Variants in MYT1L observed in about 807,000 individuals in gnomAD.
The protein encoded by MYT1L is myelin transcription factor 1 like, also known as myelin transcription factor 1-like protein.
MYT1L carries 12 observed loss-of-function variants against 126.7 expected under a neutral mutation model. That is an observed-to-expected ratio of 0.09 (90% CI 0.06 to 0.15). The LOEUF (loss-of-function observed/expected upper bound fraction) is 0.15. Among genes scored for constraint, MYT1L ranks in the 10% least tolerant of loss-of-function variants. The pLI is 1.00. For synonymous variants in MYT1L, 541 were observed against 604.2 expected, an observed-to-expected ratio of 0.90 and a Z score of 1.53; for missense variants, 979 against 1,585.2, an observed-to-expected ratio of 0.62 and a Z score of 6.49.
At chr2:2,117,080 G>T (rs1325065954) in intron 3 of MYT1L, among the ~76,000 whole-genome samples, 11 of 152,184 alleles carry the variant, frequency 7.2e-5, no homozygotes, top group African/African-American at 2.7e-4. Context: ...CTCTCCCCCT[G>T]CAGAGCACCC....
intron 3 of MYT1L, among the ~76,000 whole-genome samples, chr2:2,076,299 G>A (rs1442350910): frequency 6.6e-6 from 1 of 152,186 alleles, no homozygotes; most frequent in Non-Finnish European, 1.5e-5. Flanking sequence ...GGGTGACCCC[G>A]AGGCTCTTTA....
chr2:2,016,968 T>A (rs1175952762), intron 4 of MYT1L, among the ~76,000 whole-genome samples: 2 of 152,218 alleles, frequency 1.3e-5, no homozygotes, highest in African/African-American at 4.8e-5. Context: ...TAAATTACAA[T>A]GTAAAGGAGG....
At chr2:1,882,386 C>T (rs774339178) in intron 18 of MYT1L, among the ~76,000 whole-genome samples, 41 of 151,986 alleles carry the variant, frequency 2.7e-4, no homozygotes, top group Non-Finnish European at 5.0e-4. Context: ...AGTCAGCTGC[C>T]GAATGGTTCA....
chr2:1,941,379 T>C (rs1352185960), intron 9 of MYT1L, among the ~76,000 whole-genome samples: 1 of 152,208 alleles, frequency 6.6e-6, no homozygotes, highest in African/African-American at 2.4e-5. Flanking sequence ...AAGTTACAAA[T>C]CATTAATCAG....
intron 3 of MYT1L, among the ~76,000 whole-genome samples, chr2:2,104,879 T>C (rs1020540491): frequency 3.9e-5 from 6 of 152,190 alleles, no homozygotes; most frequent in Admixed American, 2.0e-4. Context: ...AAGTTCTGAA[T>C]CATTAACAGC....
At chr2:1,967,492 G>A (rs751020569) in intron 8 of MYT1L, among the ~76,000 whole-genome samples, 6 of 152,164 alleles carry the variant, frequency 3.9e-5, no homozygotes, top group South Asian at 2.1e-4. Flanking sequence ...CCTTTGCTGC[G>A]CCTTCACATC....
chr2:2,237,136 G>A (rs2094341079), intron 2 of MYT1L, among the ~76,000 whole-genome samples: 1 of 151,990 alleles, frequency 6.6e-6, no homozygotes, highest in Non-Finnish European at 1.5e-5. Flanking sequence ...CTTTAAATCA[G>A]GAAGATGTTT....
At chr2:1,968,270 C>A (rs2059534121) in intron 8 of MYT1L, among the ~76,000 whole-genome samples, 1 of 124,470 alleles carries the variant, frequency 8.0e-6, no homozygotes, top group Non-Finnish European at 1.6e-5. Context: ...ATGCCCGCTT[C>A]CCTTCCTGGC....
At chr2:2,207,896 G>A (rs1422843072) in intron 2 of MYT1L, among the ~76,000 whole-genome samples, 5 of 152,148 alleles carry the variant, frequency 3.3e-5, no homozygotes, top group African/African-American at 4.8e-5. Context: ...CATGATGTGC[G>A]GTGTATTCCA....
At chr2:2,034,232 T>A (rs1319393359) in intron 4 of MYT1L, among the ~76,000 whole-genome samples, 1 of 152,192 alleles carries the variant, frequency 6.6e-6, no homozygotes, top group Non-Finnish European at 1.5e-5. Flanking sequence ...CGACTCGGCA[T>A]CTCTATGAAC....
At chr2:1,874,358 G>A (rs1441507255) in intron 18 of MYT1L, among the ~76,000 whole-genome samples, 1 of 152,212 alleles carries the variant, frequency 6.6e-6, no homozygotes, top group Non-Finnish European at 1.5e-5. Flanking sequence ...AGGGGGAAAA[G>A]TGCTGTGTTT....
chr2:2,319,833 T>C (rs1031496905), intron 1 of MYT1L, among the ~76,000 whole-genome samples: 6 of 151,818 alleles, frequency 4.0e-5, no homozygotes, highest in African/African-American at 1.2e-4. Flanking sequence ...GGGCAGAAAT[T>C]TGTTACTCAG....
At chr2:2,003,326 C>T (rs746630542) in intron 4 of MYT1L, among the ~76,000 whole-genome samples, 1 of 152,306 alleles carries the variant, frequency 6.6e-6, no homozygotes, top group African/African-American at 2.4e-5. Flanking sequence ...AGGAGGGTCA[C>T]TTATTAAACA....
At chr2:2,286,327 C>A (rs542292975) in intron 1 of MYT1L, among the ~76,000 whole-genome samples, 13 of 152,276 alleles carry the variant, frequency 8.5e-5, no homozygotes, top group African/African-American at 3.1e-4. Flanking sequence ...TTGTGACATG[C>A]TTTGGCTCAC....
intron 1 of MYT1L, among the ~76,000 whole-genome samples, chr2:2,295,978 C>CAG (rs1192577579): frequency 3.3e-5 from 5 of 151,020 alleles, no homozygotes; most frequent in African/African-American, 4.9e-5. Context: ...AGAATAAAGC[C>CAG]AGAGAGAGAG....
chr2:2,167,064 T>C (rs531708316), intron 3 of MYT1L, among the ~76,000 whole-genome samples: 2 of 152,130 alleles, frequency 1.3e-5, no homozygotes, highest in Non-Finnish European at 2.9e-5. Flanking sequence ...GCGAGGCAAG[T>C]GTGTCTTGGG....
At chr2:2,268,642 GA>G (rs1456003254) in intron 2 of MYT1L, among the ~76,000 whole-genome samples, 1 of 152,052 alleles carries the variant, frequency 6.6e-6, no homozygotes. Flanking sequence ...ACCACGCCAG[GA>G]AATCTGCAAG....
chr2:2,201,880 C>T (rs541429142), intron 2 of MYT1L, among the ~76,000 whole-genome samples: 5 of 152,166 alleles, frequency 3.3e-5, no homozygotes, highest in Admixed American at 1.3e-4. Context: ...ATTACTTGAG[C>T]AGCAAGAAAT....
chr2:1,854,834 C>T (rs1471320709), intron 18 of MYT1L, among the ~76,000 whole-genome samples: 1 of 152,182 alleles, frequency 6.6e-6, no homozygotes, highest in Non-Finnish European at 1.5e-5. Flanking sequence ...TCTTGAGACG[C>T]CTCTCCACCC....
Sources: allele counts gnomAD v4.1 joint callset (sites outside exome capture counted in the v4.1 genomes callset), GRCh38; gene constraint gnomAD v4.1.1; transcripts MANE v1.5; gene names NCBI Gene and HGNC (gene_info 2026-07-23, HGNC 2026-07-21).